AZIN2: variants seen among roughly 807,000 people sequenced by gnomAD.
AZIN2 encodes antizyme inhibitor 2, also known as ODC antizyme inhibitor-2.
AZIN2 carries 28 observed loss-of-function variants against 47.8 expected under a neutral mutation model. The ratio of observed to expected loss-of-function variants is 0.59; its 90% confidence interval spans 0.43 to 0.80. The LOEUF is 0.80. AZIN2 is among the 30% of genes least tolerant of loss of function. The pLI, the probability that AZIN2 is intolerant of heterozygous loss-of-function variation, is 0.00. For missense variants in AZIN2, 535 were observed against 582.5 expected (o/e 0.92, Z 0.84); for synonymous variants, 221 against 239.4 (o/e 0.92, Z 0.71).
chr1:33,087,924 A>T (rs1240790496), intron 5 of AZIN2, among the ~76,000 whole-genome samples: 2 of 152,156 alleles, frequency 1.3e-5, no homozygotes, highest in Non-Finnish European at 2.9e-5. Flanking sequence ...TTGCATTTAC[A>T]GGAATAGCTT....
At chr1:33,129,611 T>G in the AZIN2 span, among the ~76,000 whole-genome samples, 88,771 of 152,094 alleles carry the variant, frequency 0.58, 28,418 homozygotes, top group African/African-American at 0.87. This position sits in a 1 kb window ranked among gnomAD's most constrained non-coding sequence, Gnocchi z 4.1. Context: ...GTATGACTCT[T>G]TTGTGTAAAT....
rs779012479 is a variant in AZIN2, at chr1:33,098,143, G to A, written c.993G>A (p.Leu331=). ...EGVYGIFNSV[L]FDNICPTPIL... ...TGTATGGGATCTTCAACTCAGTCCT[G>A]TTTGACAACATCTGCCCTACCCCCA... is the stretch of plus-strand genomic sequence containing the variant. Residue 331 remains leucine (L), a synonymous_variant, in exon 10 of 12, where the codon CTG becomes CTA. Transcript: ENST00000294517. 13 of 1,613,722 alleles carry A rather than the reference G, an allele frequency of 8.1e-6. No individual in the cohort carries two copies. The highest frequency in any genetic ancestry group is 1.1e-5 in the Non-Finnish European group (13 of 1,179,882).
chr1:33,157,366 C>T, the AZIN2 span, among the ~76,000 whole-genome samples: 18 of 152,138 alleles, frequency 1.2e-4, no homozygotes, highest in African/African-American at 4.3e-4. Context: ...AGCACTCTTC[C>T]TCCAGATACC....
the AZIN2 span, chr1:33,159,922 G>A: frequency 6.2e-7 from 1 of 1,606,312 alleles, no homozygotes; most frequent in East Asian, 2.2e-5. The surrounding 1 kb of genome is among the most constrained non-coding windows in gnomAD (Gnocchi z 4.2). Flanking sequence ...GCCGATAGTG[G>A]TCCGCAGGCT....
intron 10 of AZIN2, among the ~76,000 whole-genome samples, chr1:33,108,342 C>CTT (rs34834263): frequency 4.3e-4 from 58 of 134,726 alleles, no homozygotes; most frequent in African/African-American, 9.7e-4. Flanking sequence ...TTCAGATTGA[C>CTT]TTTTTTTTTT....
intron 10 of AZIN2, among the ~76,000 whole-genome samples, chr1:33,099,745 T>C (rs1223495603): frequency 6.6e-6 from 1 of 152,208 alleles, no homozygotes. Context: ...ATGCTGCGGT[T>C]TCTTCCTTTA....
At chr1:33,130,550 A>G in the AZIN2 span, among the ~76,000 whole-genome samples, 663 of 152,304 alleles carry the variant, frequency 4.4e-3, 11 homozygotes, top group African/African-American at 0.015. Context: ...GCTTGAAAGT[A>G]GATCCTCCCC....
the AZIN2 span, among the ~76,000 whole-genome samples, chr1:33,155,283 G>A: frequency 6.6e-6 from 1 of 151,892 alleles, no homozygotes; most frequent in Non-Finnish European, 1.5e-5. Context: ...TGTTGGCCAG[G>A]CTGGTCTCGA....
chr1:33,160,082 T>C, the AZIN2 span: 9 of 1,088,766 alleles, frequency 8.3e-6, no homozygotes, highest in Non-Finnish European at 1.2e-5. Flanking sequence ...AAATGTCACA[T>C]GCAAAAGCAT....
chr1:33,093,495 C>T, intron 7 of AZIN2, 79 bp downstream of exon 7: 3 of 1,531,204 alleles, frequency 2.0e-6, no homozygotes, highest in Non-Finnish European at 2.6e-6. Context: ...CTATATGAGA[C>T]CTTCCCCAGG....
At chr1:33,157,713 C>T in the AZIN2 span, among the ~76,000 whole-genome samples, 22 of 151,562 alleles carry the variant, frequency 1.5e-4, no homozygotes, top group African/African-American at 5.3e-4. Context: ...GTCATTTCAT[C>T]TGGAGAATGG....
rs775633196 is a variant in AZIN2, at chr1:33,092,197, G to A, written c.427G>A (p.Val143Met). Residue 143 changes from valine (V) to methionine (M), a missense_variant, in exon 6 of 12, where the codon GTG becomes ATG. Val to Met is a conservative substitution (Grantham distance 21). Around this residue, in one of 3 missense-constraint regions of AZIN2, gnomAD observed 409 missense variants for 429.0 expected, o/e 0.95. Transcript: ENST00000294517. Reference sequence around the variant, plus strand: ...TGACAATGAGATGGAGCTGGCAAAGGTGGTAAAGAGCCACCCCAGTGCCAA... The same window carrying A: ...TGACAATGAGATGGAGCTGGCAAAGATGGTAAAGAGCCACCCCAGTGCCAA... ...SFDNEMELAK[V>M]VKSHPSAKMV... 1.2e-6 allele frequency: 2 copies of A among 1,614,172 alleles called. No individual in the cohort carries two copies. The highest frequency in any genetic ancestry group is 1.3e-5 in the African/African-American group (1 of 75,050).
At chr1:33,097,769 G>C (rs150109036) in intron 9 of AZIN2, among the ~76,000 whole-genome samples, 66 of 152,168 alleles carry the variant, frequency 4.3e-4, no homozygotes, top group Non-Finnish European at 5.1e-4. Context: ...AACCTTTTGG[G>C]GTCTTGAGTT....
chr1:33,120,776 T>C lies in AZIN2; in HGVS notation c.*594T>C, dbSNP rs976405952. 6.6e-6 allele frequency among the ~76,000 whole-genome samples: 1 copy of C among 152,222 alleles called. No homozygotes were observed. The highest frequency in any genetic ancestry group is 2.4e-5 in the African/African-American group (1 of 41,456). On this transcript the variant is annotated 3_prime_UTR_variant, in exon 12 of 12. Coordinates refer to ENST00000294517, the MANE Select transcript of AZIN2 (RefSeq NM_052998.4). The stretch of plus-strand genomic sequence containing the variant: ...GATGGGCAGTTACGTAGCTCATAAC[T>C]GGTGAATGGCCTTTGGGTCAGCCCA...
the AZIN2 span, among the ~76,000 whole-genome samples, chr1:33,130,216 T>G: frequency 1.3e-5 from 2 of 152,200 alleles, no homozygotes; most frequent in Non-Finnish European, 2.9e-5. Flanking sequence ...CGGTAGGCAG[T>G]CTCTGAGTTG....
the AZIN2 span, among the ~76,000 whole-genome samples, chr1:33,161,751 C>T: frequency 6.6e-6 from 1 of 152,170 alleles, no homozygotes; most frequent in Non-Finnish European, 1.5e-5. This position sits in a 1 kb window ranked among gnomAD's most constrained non-coding sequence, Gnocchi z 4.3. Context: ...CACAGGCGCC[C>T]AGACTCCGCA....
the AZIN2 span, among the ~76,000 whole-genome samples, chr1:33,131,359 T>C: frequency 2.6e-5 from 4 of 152,218 alleles, no homozygotes; most frequent in African/African-American, 9.7e-5. Context: ...AACAGTAAGA[T>C]TGAGGCTAGG....
chr1:33,110,770 G>T (rs919667592), intron 10 of AZIN2, among the ~76,000 whole-genome samples: 1 of 152,172 alleles, frequency 6.6e-6, no homozygotes, highest in African/African-American at 2.4e-5. Context: ...ATAGTTTCAG[G>T]AAGAGACTGT....
chr1:33,139,366 C>T, the AZIN2 span, among the ~76,000 whole-genome samples: 2 of 152,178 alleles, frequency 1.3e-5, no homozygotes, highest in Non-Finnish European at 2.9e-5. Flanking sequence ...ATTCTCTCTG[C>T]ACCCAGCATG....
Sources: gnomAD v4.1 joint callset for allele counts (sites outside exome capture counted in the v4.1 genomes callset) on GRCh38, gnomAD v4.1.1 for gene constraint, gnomAD v4.1.1 regional missense constraint, Gnocchi (gnomAD v3.1) non-coding constraint, MANE v1.5 for transcripts, NCBI Gene and HGNC (gene_info 2026-07-23, HGNC 2026-07-21) for gene names.